Variants in PTH2R observed in about 807,000 individuals in gnomAD.
The protein encoded by PTH2R is parathyroid hormone 2 receptor.
A neutral mutation model predicts 60.3 loss-of-function variants in PTH2R; 59 were observed. The ratio of observed to expected loss-of-function variants is 0.98; its 90% CI spans 0.79 to 1.22. The LOEUF (loss-of-function observed/expected upper bound fraction) is 1.22, where lower values mean the gene tolerates loss of function less well. PTH2R is among the 50% of genes most tolerant of loss of function. The probability of loss-of-function intolerance (pLI) is 0.00; values close to 1 mark genes in which losing one functional copy is unlikely to be tolerated. For missense variants in PTH2R, 749 were observed against 682.6 expected (o/e 1.10, Z -1.08); for synonymous variants, 256 against 243.8 (o/e 1.05, Z -0.47).
chr2:208,420,855 A>G (rs774408074), intron 1 of PTH2R, among the ~76,000 whole-genome samples: 4 of 152,110 alleles, frequency 2.6e-5, no homozygotes, highest in Admixed American at 6.6e-5. Flanking sequence ...ATCACATGTA[A>G]AGTTGCATGT....
chr2:208,476,534 T>C (rs1332383330), intron 9 of PTH2R, among the ~76,000 whole-genome samples: 1 of 152,224 alleles, frequency 6.6e-6, no homozygotes, highest in Non-Finnish European at 1.5e-5. Context: ...AATCAAATTA[T>C]AGTATTTGAT....
chr2:208,489,330 G>A (rs1171216255), intron 11 of PTH2R, among the ~76,000 whole-genome samples, 180 bp downstream of exon 11: 3 of 152,122 alleles, frequency 2.0e-5, no homozygotes, highest in African/African-American at 7.2e-5. Context: ...TAGAGGTCAG[G>A]TTAATCCTCT....
intron 4 of PTH2R, among the ~76,000 whole-genome samples, chr2:208,440,016 A>G (rs778638293): frequency 1.3e-5 from 2 of 152,236 alleles, no homozygotes; most frequent in African/African-American, 2.4e-5. Flanking sequence ...TATAAATTTT[A>G]TAAAGAGTTT....
chr2:208,397,154 G>A (rs1026865770), intron 1 of PTH2R, among the ~76,000 whole-genome samples: 1 of 152,082 alleles, frequency 6.6e-6, no homozygotes, highest in African/African-American at 2.4e-5. Flanking sequence ...GGCGCCTGTT[G>A]TGGGGTGGGA....
intron 1 of PTH2R, among the ~76,000 whole-genome samples, chr2:208,412,615 A>G (rs1701561961): frequency 6.6e-5 from 10 of 152,204 alleles, no homozygotes; most frequent in Admixed American, 5.2e-4. Context: ...AGGACACTGT[A>G]CTGGGAGATA....
chr2:208,362,860 G>A (rs77928967), intron 1 of PTH2R, among the ~76,000 whole-genome samples: 1 of 134,318 alleles, frequency 7.4e-6, no homozygotes, highest in African/African-American at 2.7e-5. Flanking sequence ...GTGTGTGTGT[G>A]TGTTTAATGG....
intron 1 of PTH2R, among the ~76,000 whole-genome samples, chr2:208,409,218 G>T (rs529754788): frequency 6.6e-6 from 1 of 152,146 alleles, no homozygotes; most frequent in African/African-American, 2.4e-5. Flanking sequence ...AAATTCAAGT[G>T]ATTTACATTG....
intron 9 of PTH2R, among the ~76,000 whole-genome samples, chr2:208,466,783 T>C (rs1051179400): frequency 1.3e-5 from 2 of 152,206 alleles, no homozygotes; most frequent in African/African-American, 4.8e-5. Flanking sequence ...TACATTAATT[T>C]TTATTGAATA....
At chr2:208,435,382 G>A (rs1010369490) in intron 2 of PTH2R, among the ~76,000 whole-genome samples, 5 of 152,196 alleles carry the variant, frequency 3.3e-5, no homozygotes, top group African/African-American at 1.2e-4. Flanking sequence ...TTTGCAGATG[G>A]AATTAAGGTT....
chr2:208,395,237 CG>C (rs1428690333), intron 1 of PTH2R, among the ~76,000 whole-genome samples: 1 of 151,818 alleles, frequency 6.6e-6, no homozygotes, highest in African/African-American at 2.4e-5. Flanking sequence ...TTAGTAGAGA[CG>C]GGGTTTCACC....
chr2:208,400,197 T>C lies in PTH2R; in HGVS notation c.-258-28004T>C, dbSNP rs73983773. Among the ~76,000 whole-genome samples, 997 of 152,336 alleles carry C rather than the reference T, an allele frequency of 6.5e-3. 9 individuals carry two copies. Among genetic ancestry groups the C allele is most frequent in the African/African-American group, 0.023 (943 of 41,576 alleles). Reference sequence around the variant, plus strand: ...TTGTAGTGGTTATATGTCCAGAGGCTAGTAGAGTACTTGTTTATTGAAAAC... The same window carrying C: ...TTGTAGTGGTTATATGTCCAGAGGCCAGTAGAGTACTTGTTTATTGAAAAC... On this transcript the variant is annotated intron_variant, in intron 1 of 12. Transcript: ENST00000617735.
chr2:208,484,730 G>T (rs1263892887), intron 10 of PTH2R, among the ~76,000 whole-genome samples: 2 of 152,042 alleles, frequency 1.3e-5, no homozygotes, highest in Non-Finnish European at 2.9e-5. Flanking sequence ...AATCCAACCG[G>T]TATTTATTAC....
chr2:208,365,950 ATATATATATATTTTTTTTTTTTTTTT>A (rs1328008399), intron 1 of PTH2R, among the ~76,000 whole-genome samples: 5 of 16,774 alleles, frequency 3.0e-4, no homozygotes, highest in Admixed American at 9.9e-4. Flanking sequence ...ATATATATAT[ATATATATATATTTTTTTTTTTTTTTT>A]TTTTTTTTTT....
chr2:208,436,374 A>G (rs1559219405), intron 2 of PTH2R, among the ~76,000 whole-genome samples: 1 of 152,108 alleles, frequency 6.6e-6, no homozygotes, highest in Non-Finnish European at 1.5e-5. Context: ...TGCCTGTTGG[A>G]GCTGTTGGAG....
chr2:208,394,112 C>T (rs1391527481), intron 1 of PTH2R, among the ~76,000 whole-genome samples: 1 of 152,198 alleles, frequency 6.6e-6, no homozygotes, highest in African/African-American at 2.4e-5. Flanking sequence ...TGTACATAGG[C>T]AGCCTCAGTC....
rs760355827 is a variant in PTH2R at position 208,442,381 on chromosome 2, C to T, written c.429C>T (p.Arg143=). 1.9e-6 allele frequency: 3 copies of T among 1,612,238 alleles called. No individual in the cohort carries two copies. Among genetic ancestry groups the T allele is most frequent in the South Asian group, 1.1e-5 (1 of 91,026 alleles). Residue 143 remains arginine (R), a synonymous_variant, in exon 5 of 13, where the codon CGC becomes CGT. Transcript: ENST00000272847. ...CCTTGCAGCAAGAATTCTTTGAACG[C>T]CTCTATGTAATGTATACCGTTGGCT... The part of the protein sequence containing the change: ...ISIGKQEFFE[R]LYVMYTVGYS...
chr2:208,443,100 G>T (rs991728362), intron 5 of PTH2R, among the ~76,000 whole-genome samples: 2 of 152,112 alleles, frequency 1.3e-5, no homozygotes, highest in African/African-American at 4.8e-5. Flanking sequence ...CATTCACATT[G>T]TATTTGGTAT....
chr2:208,361,291 T>A (rs540146602), intron 1 of PTH2R: 10 of 153,550 alleles, frequency 6.5e-5, no homozygotes, highest in African/African-American at 2.4e-4. Flanking sequence ...AGCTTCGTGG[T>A]TGTTGAGGCA....
At chr2:208,474,811 G>A (rs1379272115) in intron 9 of PTH2R, among the ~76,000 whole-genome samples, 1 of 152,226 alleles carries the variant, frequency 6.6e-6, no homozygotes, top group Non-Finnish European at 1.5e-5. Flanking sequence ...CTAGCTTGGA[G>A]ACGCAAATGT....
Sources: allele counts gnomAD v4.1 joint callset (sites outside exome capture counted in the v4.1 genomes callset), GRCh38; gene constraint gnomAD v4.1.1; transcripts MANE v1.5; gene names NCBI Gene and HGNC (gene_info 2026-07-23, HGNC 2026-07-21).